The following SMAD2 variants were observed in gnomAD, a reference collection of about 807,000 sequenced individuals.
SMAD2 encodes MAD homolog 2.
SMAD2 carries 8 observed loss-of-function variants against 64.4 expected under a neutral mutation model. The ratio of observed to expected loss-of-function variants is 0.12; its 90% confidence interval spans 0.07 to 0.22. SMAD2 has a LOEUF of 0.22. Among genes scored for constraint, SMAD2 ranks in the 10% least tolerant of loss-of-function variants. The probability of loss-of-function intolerance (pLI) is 1.00; values close to 1 mark genes in which losing one functional copy is unlikely to be tolerated. For missense variants in SMAD2, 289 were observed against 561.2 expected, an observed-to-expected ratio of 0.51 and a Z score of 4.90; for synonymous variants, 203 against 195.8, an observed-to-expected ratio of 1.04 and a Z score of -0.31.
rs1368024572 is a variant in SMAD2, at chr18:47,828,312, T to TG, written c.*13514dup. On this transcript the variant is annotated 3_prime_UTR_variant, in exon 11 of 11. Coordinates refer to ENST00000262160, the MANE Select transcript of SMAD2 (RefSeq NM_005901.6). Reference sequence around the variant, plus strand: ...CCGGCCAGCTGCCCCGTTCGGGAGGTGGGGGGCAGCCCCCGGCCAGCATCC... The same window carrying TG: ...CCGGCCAGCTGCCCCGTTCGGGAGGTGGGGGGGCAGCCCCCGGCCAGCATCC... 2.1e-5 allele frequency: 3 copies of TG among 145,452 alleles called. No individual in the cohort carries two copies. The highest frequency in any genetic ancestry group is 1.4e-4 in the Admixed American group (2 of 14,530). 9.0% of individuals were successfully genotyped at this position (145,452 alleles called of 1,614,324 possible). A position where few individuals can be genotyped will look rare whatever the true frequency, so the allele number is the denominator to read the frequency against.
At chr18:47,886,984 TA>T (rs1207592704) in intron 2 of SMAD2, 11 of 151,086 alleles carry the variant, frequency 7.3e-5, no homozygotes, top group South Asian at 6.3e-4. Flanking sequence ...TAGACACACG[TA>T]ACATCCCTCT....
intron 4 of SMAD2, among the ~76,000 whole-genome samples, chr18:47,868,732 C>A (rs918143633): frequency 6.6e-6 from 1 of 152,036 alleles, no homozygotes; most frequent in Non-Finnish European, 1.5e-5. Flanking sequence ...GTTCATAAAT[C>A]CCCATTGGAA....
At chr18:47,895,630 C>G (rs1431033352) in intron 2 of SMAD2, 1 of 152,004 alleles carries the variant, frequency 6.6e-6, no homozygotes, top group Non-Finnish European at 1.5e-5. Flanking sequence ...ATACATAAAA[C>G]AAGTAAGGGA....
chr18:47,828,078 T>G lies in SMAD2; in HGVS notation c.*13749A>C, dbSNP rs1023046590. ...CCCCGTCTGGGATGTGAGGAGTGTCTCTGCCCGACCGCCACCCCGTCTGGG... is the reference window on the plus strand; with the variant it reads ...CCCCGTCTGGGATGTGAGGAGTGTCGCTGCCCGACCGCCACCCCGTCTGGG... On this transcript the variant is annotated 3_prime_UTR_variant, in exon 11 of 11. Coordinates refer to ENST00000262160, the MANE Select transcript of SMAD2 (RefSeq NM_005901.6). The G allele has an allele frequency of 6.1e-6, 1 of 164,138 alleles. No homozygotes were observed. The highest frequency in any genetic ancestry group is 2.5e-5 in the African/African-American group (1 of 39,918). The allele number at this position is 164,138 out of a possible 1,614,324, so 10.2% of individuals were successfully genotyped here. A position where few individuals can be genotyped will look rare whatever the true frequency, so the allele number is the denominator to read the frequency against.
At chr18:47,887,481 C>A (rs1230023429) in intron 2 of SMAD2, among the ~76,000 whole-genome samples, 13 of 142,510 alleles carry the variant, frequency 9.1e-5, no homozygotes, top group Admixed American at 8.1e-4. Flanking sequence ...AATGCAGACT[C>A]TCACCTATAG....
In SMAD2 at chr18:47,819,305, T is replaced by C. The variant is rs917876263; in HGVS notation, c.*22522A>G. 6.6e-6 allele frequency: 1 copy of C among 152,266 alleles called. No homozygotes were observed. The highest frequency in any genetic ancestry group is 1.5e-5 in the Non-Finnish European group (1 of 68,050). 9.4% of individuals were successfully genotyped at this position (152,266 alleles called of 1,614,324 possible). ...CAACTTAAAAACAGAATGATCTTTGTATAACTGTAAGTTGAACTAATTTTG... is the reference window on the plus strand; with the variant it reads ...CAACTTAAAAACAGAATGATCTTTGCATAACTGTAAGTTGAACTAATTTTG... On this transcript the variant is annotated 3_prime_UTR_variant, in exon 11 of 11. Coordinates refer to ENST00000262160, the MANE Select transcript of SMAD2 (RefSeq NM_005901.6).
Position 47,833,197 on chromosome 18 carries a change from A to G in SMAD2, c.*8630T>C, listed in dbSNP as rs557633152. On this transcript the variant is annotated 3_prime_UTR_variant, in exon 11 of 11. Transcript: ENST00000262160. ...AACACAGGTAAGAGCAAACAAGGTA[A>G]AAAGTGAAAGCACATACAGATGATG... The G allele has an allele frequency of 2.6e-4, 54 of 209,354 alleles. No homozygotes were observed. Among genetic ancestry groups the G allele is most frequent in the Admixed American group, 5.3e-4 (9 of 16,950 alleles). The allele number at this position is 209,354 out of a possible 1,614,324, so 13.0% of individuals were successfully genotyped here.
chr18:47,814,901 C>T lies in SMAD2; in HGVS notation c.*26926G>A, dbSNP rs927514314. 6.6e-6 allele frequency: 1 copy of T among 152,312 alleles called. No homozygotes were observed. Among genetic ancestry groups the T allele is most frequent in the African/African-American group, 2.4e-5 (1 of 41,442 alleles). 9.4% of individuals were successfully genotyped at this position (152,312 alleles called of 1,614,324 possible). On this transcript the variant is annotated 3_prime_UTR_variant, in exon 11 of 11. Coordinates refer to ENST00000262160, the MANE Select transcript of SMAD2 (RefSeq NM_005901.6). ...ACATGGAAGCTATTAAGGTAGAGACCTTGAGACCAAAGGCAATGACAGAGT... is the reference window on the plus strand; with the variant it reads ...ACATGGAAGCTATTAAGGTAGAGACTTTGAGACCAAAGGCAATGACAGAGT...
At chr18:47,848,250 T>C (rs188903882) in intron 8 of SMAD2, among the ~76,000 whole-genome samples, 1 of 152,292 alleles carries the variant, frequency 6.6e-6, no homozygotes, top group East Asian at 1.9e-4. Flanking sequence ...TTGAAGAACT[T>C]TCCAGTACCA....
intron 4 of SMAD2, 117 bp downstream of exon 4, chr18:47,869,126 T>C: frequency 1.3e-6 from 1 of 740,852 alleles, no homozygotes; most frequent in South Asian, 1.7e-5. Flanking sequence ...ATATGCACAA[T>C]TTAAGGTAAT....
chr18:47,816,296 A>ACACAAT lies in SMAD2; in HGVS notation c.*25525_*25530dup, dbSNP rs1298041180. The ACACAAT allele has an allele frequency of 6.6e-6, 1 of 152,244 alleles. No individual in the cohort carries two copies. Among genetic ancestry groups the ACACAAT allele is most frequent in the Admixed American group, 6.5e-5 (1 of 15,286 alleles). The allele number at this position is 152,244 out of a possible 1,614,324, so 9.4% of individuals were successfully genotyped here. On this transcript the variant is annotated 3_prime_UTR_variant, in exon 11 of 11. Transcript: ENST00000262160. ...TGAAAAAAAGATTTTTATAAATTAT[A>ACACAAT]CACAATTGGGTAGCTTTAAAAAATA...
At chr18:47,850,849 T>TTA (rs56339341) in intron 7 of SMAD2, among the ~76,000 whole-genome samples, 4,661 of 12,758 alleles carry the variant, frequency 0.37, 1,549 homozygotes, top group African/African-American at 0.69. Flanking sequence ...ATATTATATA[T>TTA]TATATATATT....
chr18:47,929,264 A>G (rs187818687), intron 1 of SMAD2, among the ~76,000 whole-genome samples: 3 of 152,374 alleles, frequency 2.0e-5, no homozygotes, highest in Non-Finnish European at 4.4e-5. Flanking sequence ...GTGTTAAAGT[A>G]GAATAGCAAA....
intron 2 of SMAD2, among the ~76,000 whole-genome samples, chr18:47,873,926 C>T (rs2032100790): frequency 6.6e-6 from 1 of 151,914 alleles, no homozygotes; most frequent in South Asian, 2.1e-4. Context: ...TTGGGGCTGC[C>T]AGAGAGTTTG....
intron 6 of SMAD2, among the ~76,000 whole-genome samples, chr18:47,855,663 C>T (rs184629963): frequency 2.0e-5 from 3 of 152,122 alleles, no homozygotes; most frequent in Admixed American, 6.6e-5. Flanking sequence ...ACTCTGTCAC[C>T]CAGGTTGGAG....
chr18:47,883,869 G>C (rs1313804455), intron 2 of SMAD2, among the ~76,000 whole-genome samples: 1 of 152,026 alleles, frequency 6.6e-6, no homozygotes, highest in Non-Finnish European at 1.5e-5. Flanking sequence ...CTCCATTTCT[G>C]ATACTTGACT....
chr18:47,850,263 AAT>A (rs1568040050), intron 7 of SMAD2, among the ~76,000 whole-genome samples: 3 of 78,430 alleles, frequency 3.8e-5, no homozygotes, highest in African/African-American at 1.1e-4. Flanking sequence ...TATTATGTAT[AAT>A]ATATATTATA....
chr18:47,867,701 T>A (rs1358833661), intron 5 of SMAD2, among the ~76,000 whole-genome samples: 1 of 149,780 alleles, frequency 6.7e-6, no homozygotes, highest in Non-Finnish European at 1.5e-5. Context: ...AGGCCAGATA[T>A]CATATCGTGG....
rs1002614377 is a variant in SMAD2 at position 47,817,852 on chromosome 18, A to G, written c.*23975T>C. 6.6e-6 allele frequency: 1 copy of G among 152,226 alleles called. No homozygotes were observed. Among genetic ancestry groups the G allele is most frequent in the Admixed American group, 6.5e-5 (1 of 15,288 alleles). 9.4% of individuals were successfully genotyped at this position (152,226 alleles called of 1,614,324 possible). A position where few individuals can be genotyped will look rare whatever the true frequency, so the allele number is the denominator to read the frequency against. ...TGGCTCTTTTAAAGCCACTAGGGCA[A>G]TCGCCACCAGTTAAAACACTGGTCC... On this transcript the variant is annotated 3_prime_UTR_variant, in exon 11 of 11. Coordinates refer to ENST00000262160, the MANE Select transcript of SMAD2 (RefSeq NM_005901.6).
Sources: gnomAD v4.1 joint callset for allele counts (sites outside exome capture counted in the v4.1 genomes callset) on GRCh38, gnomAD v4.1.1 for gene constraint, MANE v1.5 for transcripts, NCBI Gene and HGNC (gene_info 2026-07-23, HGNC 2026-07-21) for gene names.